Variants in LRPPRC observed in about 807,000 individuals in gnomAD.
LRPPRC encodes leucine rich pentatricopeptide repeat containing.
A neutral mutation model predicts 180.3 loss-of-function variants in LRPPRC; 120 were observed. The ratio of observed to expected loss-of-function variants is 0.67; its 90% CI spans 0.57 to 0.77. LRPPRC has a LOEUF of 0.77. Ranked by LOEUF, LRPPRC falls within the 30% of genes least tolerant of loss-of-function variation. The pLI is 0.00. For synonymous variants in LRPPRC, 723 were observed against 600.0 expected (o/e 1.21, Z -3.00); for missense variants, 2,012 against 1,657.2 (o/e 1.21, Z -3.72).
chr2:43,971,561 T>C (rs1017837818), intron 11 of LRPPRC, among the ~76,000 whole-genome samples: 6 of 148,696 alleles, frequency 4.0e-5, no homozygotes, highest in African/African-American at 1.5e-4. Flanking sequence ...TTGATTATCC[T>C]ATTGTTGAAA....
At chr2:43,974,366 A>G in intron 8 of LRPPRC, 71 bp from the exon 9 acceptor site, 3 of 1,141,496 alleles carry the variant, frequency 2.6e-6, no homozygotes, top group Non-Finnish European at 4.0e-6. Context: ...CAATGTTCCA[A>G]TACTGAAGAC....
intron 1 of LRPPRC, among the ~76,000 whole-genome samples, chr2:43,989,818 G>A (rs563463133): frequency 6.6e-6 from 1 of 152,310 alleles, no homozygotes; most frequent in African/African-American, 2.4e-5. Context: ...TCAACTTGAG[G>A]TCTTGAATAA....
At chr2:43,937,761 T>G (rs745601970) in intron 23 of LRPPRC, among the ~76,000 whole-genome samples, 5 of 152,146 alleles carry the variant, frequency 3.3e-5, no homozygotes, top group Admixed American at 1.3e-4. Context: ...CTAAAGTGTT[T>G]TGCACAAGCA....
intron 23 of LRPPRC, among the ~76,000 whole-genome samples, chr2:43,941,959 C>T (rs947771309): frequency 2.0e-5 from 3 of 151,924 alleles, no homozygotes; most frequent in Non-Finnish European, 2.9e-5. Context: ...ATTTAGATTT[C>T]CTTAGCTCAA....
chr2:43,889,123 T>G lies in LRPPRC; in HGVS notation c.4129-467A>C, dbSNP rs1371710858. On this transcript the variant is annotated intron_variant, in intron 37 of 37. Transcript: ENST00000260665. ...CGAGGTCAGCAGTTCAAGACCAGCGTGGCCAACATGGTGAAACCCCATCTG... is the reference window on the plus strand; with the variant it reads ...CGAGGTCAGCAGTTCAAGACCAGCGGGGCCAACATGGTGAAACCCCATCTG... Among the ~76,000 whole-genome samples, 4 of 152,042 alleles carry G rather than the reference T, an allele frequency of 2.6e-5. No homozygotes were observed. In the East Asian group the frequency reaches 7.7e-4, roughly 29 times the overall value.
chr2:43,924,982 G>T, intron 27 of LRPPRC, 85 bp downstream of exon 27: 2 of 819,050 alleles, frequency 2.4e-6, no homozygotes, highest in Non-Finnish European at 4.3e-6. Context: ...ACAATCCCTG[G>T]AGCTCCCTCA....
At chr2:43,959,889 T>TA (rs1043657184) in intron 13 of LRPPRC, among the ~76,000 whole-genome samples, 3 of 151,878 alleles carry the variant, frequency 2.0e-5, no homozygotes, top group Non-Finnish European at 4.4e-5. Context: ...GTCTCAAAAA[T>TA]AAATAAAATA....
At chr2:43,916,264 G>A (rs1671463884) in intron 29 of LRPPRC, among the ~76,000 whole-genome samples, 1 of 152,048 alleles carries the variant, frequency 6.6e-6, no homozygotes, top group Non-Finnish European at 1.5e-5. Flanking sequence ...AGAATGAAAA[G>A]AAATTAACAA....
rs1159775724 is a variant in LRPPRC at position 43,948,749 on chromosome 2, C to T, written c.1736-231G>A. Among the ~76,000 whole-genome samples, 3 of 152,140 alleles carry T rather than the reference C, an allele frequency of 2.0e-5. No homozygotes were observed. In the East Asian group the frequency reaches 5.8e-4, roughly 29 times the overall value. On this transcript the variant is annotated intron_variant, in intron 16 of 37. Coordinates refer to ENST00000260665, the MANE Select transcript of LRPPRC (RefSeq NM_133259.4). The stretch of plus-strand genomic sequence containing the variant: ...CAGACCGAGTGACAGCTTTTCAGTA[C>T]TGAATCTTACTTCAATCTATTTTTT...
chr2:43,966,218 A>G (rs1279786289), intron 11 of LRPPRC, among the ~76,000 whole-genome samples: 4 of 152,030 alleles, frequency 2.6e-5, no homozygotes, highest in African/African-American at 9.7e-5. Context: ...GATAAATACT[A>G]CATCATCTCA....
chr2:43,989,494 A>G (rs1674678298), intron 1 of LRPPRC, among the ~76,000 whole-genome samples: 1 of 152,234 alleles, frequency 6.6e-6, no homozygotes, highest in Non-Finnish European at 1.5e-5. Flanking sequence ...GACACTCTTC[A>G]GAATCTATGA....
At position 43,949,653 on chromosome 2, in the gene LRPPRC, C is replaced by G; in HGVS notation, c.1684G>C (p.Glu562Gln). 6.2e-7 allele frequency: 1 copy of G among 1,613,238 alleles called. No homozygotes were observed. The highest frequency in any genetic ancestry group is 8.5e-7 in the Non-Finnish European group (1 of 1,179,242). Residue 562 changes from glutamate (E) to glutamine (Q), a missense_variant, in exon 16 of 38, where the codon GAA (glutamate) becomes CAA (glutamine). Transcript: ENST00000260665. ...TAACGTCCATCCTTGTACAACAATTCTGTTATCTGGTAAGACAGAAAATTC... is the reference window on the plus strand; with the variant it reads ...TAACGTCCATCCTTGTACAACAATTGTGTTATCTGGTAAGACAGAAAATTC... ...MNINLWSEIT[E>Q]LLYKDGRYCQ...
chr2:43,970,138 G>T (rs533919902), intron 11 of LRPPRC, among the ~76,000 whole-genome samples: 18 of 152,246 alleles, frequency 1.2e-4, no homozygotes, highest in African/African-American at 4.1e-4. Context: ...ATTCTTACAG[G>T]AAACCCTTCA....
At chr2:43,961,918 G>A (rs567517962) in intron 12 of LRPPRC, among the ~76,000 whole-genome samples, 4 of 152,042 alleles carry the variant, frequency 2.6e-5, no homozygotes, top group Admixed American at 1.3e-4. Context: ...AGACCAGATC[G>A]CACCACTGCA....
intron 7 of LRPPRC, 113 bp downstream of exon 7, chr2:43,974,978 C>CA: frequency 8.6e-7 from 1 of 1,167,728 alleles, no homozygotes; most frequent in South Asian, 1.3e-5. Context: ...CTACTTTCTG[C>CA]AAGGAAACAT....
At chr2:43,983,940 G>GA (rs988898005) in intron 1 of LRPPRC, among the ~76,000 whole-genome samples, 2 of 151,936 alleles carry the variant, frequency 1.3e-5, no homozygotes, top group East Asian at 1.9e-4. Context: ...TAAAATAATG[G>GA]AAAAAATCAA....
chr2:43,965,080 C>T (rs1379712793), intron 11 of LRPPRC, among the ~76,000 whole-genome samples: 2 of 152,208 alleles, frequency 1.3e-5, no homozygotes, highest in Admixed American at 6.5e-5. Context: ...TGGCTCACTA[C>T]AACCTCCACC....
At position 43,955,450 on chromosome 2, in the gene LRPPRC, C is replaced by G. The variant is rs1051817196; in HGVS notation, c.1649+1935G>C. On this transcript the variant is annotated intron_variant, in intron 14 of 37. Coordinates refer to ENST00000260665, the MANE Select transcript of LRPPRC (RefSeq NM_133259.4). ...TACCACTGCACTGCAGCCTGGGTGACAGAGCAAGACTCTGTCTCAAAAAGA... is the reference window on the plus strand; with the variant it reads ...TACCACTGCACTGCAGCCTGGGTGAGAGAGCAAGACTCTGTCTCAAAAAGA... Among the ~76,000 whole-genome samples, 3 of 128,186 alleles carry G rather than the reference C, an allele frequency of 2.3e-5. No homozygotes were observed. The Admixed American group carries it at 2.7e-4, about 11-fold the overall frequency. 84.1% of individuals were successfully genotyped at this position (128,186 alleles called of 152,430 possible).
chr2:43,975,554 T>C (rs1342096376), intron 6 of LRPPRC, among the ~76,000 whole-genome samples: 1 of 152,104 alleles, frequency 6.6e-6, no homozygotes, highest in Non-Finnish European at 1.5e-5. Flanking sequence ...CCAGAGCAGT[T>C]ACTTCAGATC....
Sources: allele counts gnomAD v4.1 joint callset (sites outside exome capture counted in the v4.1 genomes callset), GRCh38; gene constraint gnomAD v4.1.1; transcripts MANE v1.5; gene names NCBI Gene and HGNC (gene_info 2026-07-23, HGNC 2026-07-21).